The following LPP variants were observed in gnomAD, a reference collection of about 807,000 sequenced individuals.
LPP encodes the protein lipoma-preferred partner.
In LPP, 38 loss-of-function variants were observed where a neutral mutation model predicts 60.4. That is an observed-to-expected ratio of 0.63 (90% confidence interval 0.49 to 0.83). The LOEUF (loss-of-function observed/expected upper bound fraction) is 0.83, where lower values mean the gene tolerates loss of function less well. LPP is among the 40% of genes least tolerant of loss of function. The pLI is 0.00. For synonymous variants in LPP, 328 were observed against 290.8 expected, an observed-to-expected ratio of 1.13 and a Z score of -1.30; for missense variants, 902 against 783.6, an observed-to-expected ratio of 1.15 and a Z score of -1.80.
intron 6 of LPP, among the ~76,000 whole-genome samples, chr3:188,601,173 G>A (rs1841086489): frequency 6.6e-6 from 1 of 151,878 alleles, no homozygotes; most frequent in African/African-American, 2.4e-5. Flanking sequence ...TATTTTTATG[G>A]CATTGTTTTA....
intron 9 of LPP, among the ~76,000 whole-genome samples, chr3:188,814,868 A>G (rs1752031381): frequency 1.3e-5 from 2 of 152,242 alleles, no homozygotes; most frequent in Non-Finnish European, 2.9e-5. Context: ...GGCAGAGCCC[A>G]GAAGATATCC....
chr3:188,734,676 A>G (rs1273141611), intron 8 of LPP, among the ~76,000 whole-genome samples: 2 of 152,220 alleles, frequency 1.3e-5, no homozygotes, highest in Non-Finnish European at 2.9e-5. Flanking sequence ...TCCCTGGGGA[A>G]TTTTGAGAAC....
At chr3:188,766,377 G>GAAAAAAAAAAAAAAAAAAAAAAAAAAA (rs1734127379) in intron 9 of LPP, among the ~76,000 whole-genome samples, 1 of 65,350 alleles carries the variant, frequency 1.5e-5, no homozygotes. Context: ...GCCTTAAAAA[G>GAAAAAAAAAAAAAAAAAAAAAAAAAAA]CAAAAAAAAA....
At chr3:188,672,961 T>C (rs532447344) in intron 7 of LPP, among the ~76,000 whole-genome samples, 1 of 132,856 alleles carries the variant, frequency 7.5e-6, no homozygotes, top group African/African-American at 3.6e-5. Context: ...TCTTTTATTG[T>C]TTTTTTTTTT....
At chr3:188,570,571 G>A (rs1328866706) in intron 6 of LPP, among the ~76,000 whole-genome samples, 1 of 152,038 alleles carries the variant, frequency 6.6e-6, no homozygotes. Context: ...GGACTGTAAT[G>A]TCTCAATTAG....
intron 8 of LPP, among the ~76,000 whole-genome samples, chr3:188,724,535 G>C (rs1717656461): frequency 6.6e-6 from 1 of 152,182 alleles, no homozygotes; most frequent in African/African-American, 2.4e-5. Flanking sequence ...CTGAGACAGT[G>C]TCTTTGCCCT....
At chr3:188,360,353 C>T (rs1578320880) in intron 3 of LPP, among the ~76,000 whole-genome samples, 1 of 152,238 alleles carries the variant, frequency 6.6e-6, no homozygotes, top group South Asian at 2.1e-4. Context: ...TTCAAGACCT[C>T]TGTTTTCCAG....
intron 7 of LPP, among the ~76,000 whole-genome samples, chr3:188,697,895 C>G (rs1429063567): frequency 6.8e-6 from 1 of 146,694 alleles, no homozygotes; most frequent in Non-Finnish European, 1.5e-5. Flanking sequence ...TTTTTTGGCA[C>G]TATAATGGCA....
At chr3:188,261,869 A>AC (rs1415309337) in intron 2 of LPP, among the ~76,000 whole-genome samples, 1 of 152,208 alleles carries the variant, frequency 6.6e-6, no homozygotes, top group African/African-American at 2.4e-5. Context: ...GTGAGCTAGA[A>AC]CGGTGCCATT....
At chr3:188,433,126 A>T (rs1010308218) in intron 4 of LPP, among the ~76,000 whole-genome samples, 6 of 152,098 alleles carry the variant, frequency 3.9e-5, no homozygotes, top group Admixed American at 1.3e-4. Context: ...TAGTCTGTTT[A>T]CCTCTAAAAT....
At chr3:188,687,195 A>G (rs935966250) in intron 7 of LPP, among the ~76,000 whole-genome samples, 5 of 152,230 alleles carry the variant, frequency 3.3e-5, no homozygotes, top group African/African-American at 1.2e-4. Flanking sequence ...TTTATTTTGC[A>G]GATGAGCAAA....
At chr3:188,303,039 C>G (rs183222866) in intron 2 of LPP, among the ~76,000 whole-genome samples, 138 of 152,276 alleles carry the variant, frequency 9.1e-4, no homozygotes, top group South Asian at 6.2e-4. Flanking sequence ...CATGTATTAA[C>G]TGCCTACTAC....
At chr3:188,438,037 G>C (rs542782614) in intron 4 of LPP, among the ~76,000 whole-genome samples, 27 of 152,144 alleles carry the variant, frequency 1.8e-4, no homozygotes, top group African/African-American at 6.3e-4. Flanking sequence ...ATTTTTCTTG[G>C]CCACACTCAC....
intron 4 of LPP, among the ~76,000 whole-genome samples, chr3:188,412,369 T>C (rs1417743484): frequency 6.6e-6 from 1 of 152,160 alleles, no homozygotes; most frequent in African/African-American, 2.4e-5. Flanking sequence ...TTCAACGTGA[T>C]CATTTTGGTG....
At chr3:188,358,218 G>T (rs956250483) in intron 3 of LPP, among the ~76,000 whole-genome samples, 5 of 152,146 alleles carry the variant, frequency 3.3e-5, no homozygotes, top group African/African-American at 1.2e-4. Flanking sequence ...TTTGCCCAAG[G>T]TTACATAATA....
intron 2 of LPP, among the ~76,000 whole-genome samples, chr3:188,270,029 T>G (rs1737173850): frequency 6.6e-6 from 1 of 152,018 alleles, no homozygotes; most frequent in African/African-American, 2.4e-5. Context: ...TAGGGTATGA[T>G]TCTATTTATT....
Position 188,870,976 on chromosome 3 carries a change from C to CT in LPP, c.1590-1658dup, listed in dbSNP as rs940456140. 5.3e-5 allele frequency among the ~76,000 whole-genome samples: 8 copies of CT among 151,568 alleles called. No individual in the cohort carries two copies. In the South Asian group the frequency reaches 1.3e-3, roughly 24 times the overall value. On this transcript the variant is annotated intron_variant, in intron 10 of 11. Coordinates refer to ENST00000617246, the MANE Select transcript of LPP (RefSeq NM_001375462.1). ...ATTCATTTCATTAGATACAGCCCAACTTTTTTTTTCTGCACCAGTCACAGT... is the reference window on the plus strand; with the variant it reads ...ATTCATTTCATTAGATACAGCCCAACTTTTTTTTTTCTGCACCAGTCACAGT...
At chr3:188,633,844 A>G (rs2148581461) in intron 7 of LPP, among the ~76,000 whole-genome samples, 1 of 152,282 alleles carries the variant, frequency 6.6e-6, no homozygotes, top group Non-Finnish European at 1.5e-5. Flanking sequence ...TGTACTATAG[A>G]GTTATTCCTT....
At chr3:188,486,687 G>A (rs1424960774) in intron 5 of LPP, among the ~76,000 whole-genome samples, 3 of 152,136 alleles carry the variant, frequency 2.0e-5, no homozygotes, top group Admixed American at 1.3e-4. Context: ...TCAGTTTCTG[G>A]AGTCTAGATC....
Sources: gnomAD v4.1 joint callset for allele counts (sites outside exome capture counted in the v4.1 genomes callset) on GRCh38, gnomAD v4.1.1 for gene constraint, MANE v1.5 for transcripts, NCBI Gene and HGNC (gene_info 2026-07-23, HGNC 2026-07-21) for gene names.